The following MAF variants were observed in gnomAD, a reference collection of about 807,000 sequenced individuals.
MAF encodes the protein MAF bZIP transcription factor.
In MAF, 10 loss-of-function variants were observed where a neutral mutation model predicts 22.0. The ratio of observed to expected loss-of-function variants is 0.45; its 90% CI spans 0.28 to 0.77. MAF has a LOEUF of 0.77. Ranked by LOEUF, MAF falls within the 30% of genes least tolerant of loss-of-function variation. The pLI, the probability that MAF is intolerant of heterozygous loss-of-function variation, is 0.12. For missense variants in MAF, 544 were observed against 548.4 expected (o/e 0.99, Z 0.08); for synonymous variants, 337 against 255.8 (o/e 1.32, Z -3.03).
At chr16:79,319,103 CTT>C in the MAF span, among the ~76,000 whole-genome samples, 1 of 152,158 alleles carries the variant, frequency 6.6e-6, no homozygotes, top group African/African-American at 2.4e-5. Flanking sequence ...AGCAGGCACA[CTT>C]TCCCTAAATC....
the MAF span, among the ~76,000 whole-genome samples, chr16:79,435,279 G>T: frequency 6.6e-6 from 1 of 151,890 alleles, no homozygotes; most frequent in Non-Finnish European, 1.5e-5. Flanking sequence ...TTCACAACCA[G>T]GTGTTGGCAC....
the MAF span, among the ~76,000 whole-genome samples, chr16:79,346,693 G>A: frequency 6.6e-6 from 1 of 152,076 alleles, no homozygotes; most frequent in Non-Finnish European, 1.5e-5. Context: ...TTCTACACGG[G>A]GTGTGAGCCA....
At chr16:79,287,975 C>T in the MAF span, among the ~76,000 whole-genome samples, 1 of 152,206 alleles carries the variant, frequency 6.6e-6, no homozygotes, top group African/African-American at 2.4e-5. Context: ...CAACATGTGC[C>T]ATACCAGTGA....
At chr16:79,209,661 C>G in the MAF span, among the ~76,000 whole-genome samples, 11 of 152,136 alleles carry the variant, frequency 7.2e-5, no homozygotes, top group Non-Finnish European at 1.6e-4. Context: ...ATACAAAACA[C>G]CATCTCCACC....
At chr16:79,380,287 G>A in the MAF span, among the ~76,000 whole-genome samples, 8 of 152,248 alleles carry the variant, frequency 5.3e-5, no homozygotes, top group African/African-American at 1.9e-4. Flanking sequence ...GTTTCTTCAT[G>A]TATAAGACAA....
the MAF span, among the ~76,000 whole-genome samples, chr16:79,580,824 A>C: frequency 2.0e-5 from 3 of 152,332 alleles, no homozygotes; most frequent in South Asian, 6.2e-4. Flanking sequence ...GAGAAAAAAA[A>C]AAATAGAAGA....
the MAF span, among the ~76,000 whole-genome samples, chr16:79,523,374 G>T: frequency 6.6e-6 from 1 of 152,228 alleles, no homozygotes; most frequent in Non-Finnish European, 1.5e-5. Context: ...CCAGACTTCA[G>T]TATAGGAAAT....
the MAF span, among the ~76,000 whole-genome samples, chr16:79,368,273 T>C: frequency 6.6e-6 from 1 of 152,152 alleles, no homozygotes; most frequent in African/African-American, 2.4e-5. Context: ...TCCCTGGCTC[T>C]TGAGGCTCCA....
chr16:79,397,513 C>T, the MAF span, among the ~76,000 whole-genome samples: 1 of 152,140 alleles, frequency 6.6e-6, no homozygotes, highest in Non-Finnish European at 1.5e-5. Flanking sequence ...AAAAACCCAG[C>T]TGCCTGACTC....
the MAF span, among the ~76,000 whole-genome samples, chr16:79,381,384 C>T: frequency 2.6e-5 from 4 of 152,154 alleles, no homozygotes; most frequent in East Asian, 1.9e-4. Context: ...AAGGCTGATA[C>T]GAAGCCCAGA....
the MAF span, among the ~76,000 whole-genome samples, chr16:79,417,595 C>T: frequency 1.3e-5 from 2 of 151,974 alleles, no homozygotes; most frequent in African/African-American, 2.4e-5. Context: ...AGGGCTGGGG[C>T]GAGCAGAGGT....
the MAF span, among the ~76,000 whole-genome samples, chr16:79,443,919 T>A: frequency 6.6e-6 from 1 of 152,144 alleles, no homozygotes; most frequent in Non-Finnish European, 1.5e-5. Flanking sequence ...GTTTTTTTTT[T>A]AAATGAAGAT....
At chr16:79,461,930 G>A in the MAF span, among the ~76,000 whole-genome samples, 1 of 152,154 alleles carries the variant, frequency 6.6e-6, no homozygotes, top group African/African-American at 2.4e-5. Context: ...TCTAATAGGA[G>A]GTTGGAGGAC....
chr16:79,258,916 A>T, the MAF span, among the ~76,000 whole-genome samples: 1 of 152,122 alleles, frequency 6.6e-6, no homozygotes, highest in Admixed American at 6.6e-5. Context: ...TAGAGAGAAG[A>T]TGGGACCCAG....
chr16:79,585,741 T>C (rs1457959088), downstream of MAF: 5 of 566,832 alleles, frequency 8.8e-6, no homozygotes, highest in Admixed American at 1.4e-4. Context: ...CTAAAACTAA[T>C]GAAACAGGAA....
chr16:79,347,234 G>T, the MAF span, among the ~76,000 whole-genome samples: 1 of 152,240 alleles, frequency 6.6e-6, no homozygotes, highest in Non-Finnish European at 1.5e-5. Flanking sequence ...GACTGCAGCT[G>T]CACGTGTGGG....
the MAF span, among the ~76,000 whole-genome samples, chr16:79,398,080 G>T: frequency 1.3e-5 from 2 of 152,136 alleles, no homozygotes; most frequent in African/African-American, 4.8e-5. Flanking sequence ...AGGCTCTGGT[G>T]GGGAATGTGC....
At chr16:79,405,998 C>G in the MAF span, among the ~76,000 whole-genome samples, 1 of 152,186 alleles carries the variant, frequency 6.6e-6, no homozygotes, top group African/African-American at 2.4e-5. Context: ...GTGTAGCAGG[C>G]CAGAAGCCAC....
the MAF span, among the ~76,000 whole-genome samples, chr16:79,210,954 A>C: frequency 6.6e-6 from 1 of 152,124 alleles, no homozygotes; most frequent in Non-Finnish European, 1.5e-5. Context: ...GTCAAATATG[A>C]CATTTAGAAA....
Sources: allele counts gnomAD v4.1 joint callset (sites outside exome capture counted in the v4.1 genomes callset), GRCh38; gene constraint gnomAD v4.1.1; transcripts MANE v1.5; gene names NCBI Gene and HGNC (gene_info 2026-07-23, HGNC 2026-07-21).